Variants in LOC128462377 observed in about 807,000 individuals in gnomAD.
At chr16:89,377,495 C>T in the LOC128462377 span, among the ~76,000 whole-genome samples, 5 of 131,334 alleles carry the variant, frequency 3.8e-5, no homozygotes, top group South Asian at 2.6e-4. Context: ...GGCTGGGGGG[C>T]GGGGAGGGAT....
the LOC128462377 span, chr16:89,324,500 G>A: frequency 4.2e-3 from 1,902 of 456,382 alleles, 25 homozygotes; most frequent in African/African-American, 0.035. Flanking sequence ...GTTCCTGGGA[G>A]CATCTTGAGG....
the LOC128462377 span, among the ~76,000 whole-genome samples, chr16:89,385,048 G>A: frequency 2.6e-5 from 4 of 151,632 alleles, no homozygotes; most frequent in Non-Finnish European, 5.9e-5. Flanking sequence ...ACCATGCCAG[G>A]CTAATTTTTG....
chr16:89,363,035 C>G, the LOC128462377 span, among the ~76,000 whole-genome samples: 25 of 151,874 alleles, frequency 1.6e-4, no homozygotes, highest in Admixed American at 1.5e-3. Context: ...GGCAAAACTG[C>G]TGGCGAGTGT....
chr16:89,337,346 C>T, the LOC128462377 span, among the ~76,000 whole-genome samples: 2 of 148,878 alleles, frequency 1.3e-5, no homozygotes, highest in Non-Finnish European at 3.0e-5. Flanking sequence ...AGCACTGGGT[C>T]TCATTGGATT....
chr16:89,327,703 A>T, the LOC128462377 span, among the ~76,000 whole-genome samples: 1 of 17,532 alleles, frequency 5.7e-5, no homozygotes, highest in Non-Finnish European at 1.0e-4. Context: ...AAAAACATGA[A>T]ATAAAGACAG....
the LOC128462377 span, chr16:89,322,982 T>G: frequency 3.9e-5 from 11 of 280,738 alleles, no homozygotes; most frequent in Admixed American, 5.3e-4. Flanking sequence ...TAGCTGGGAG[T>G]ACAGGCCCGT....
At chr16:89,384,488 G>A in the LOC128462377 span, among the ~76,000 whole-genome samples, 1 of 151,868 alleles carries the variant, frequency 6.6e-6, no homozygotes. Context: ...GGAATGGGAC[G>A]AGATGGAAAT....
the LOC128462377 span, among the ~76,000 whole-genome samples, chr16:89,399,517 AG>A: frequency 6.6e-6 from 1 of 152,126 alleles, no homozygotes; most frequent in Non-Finnish European, 1.5e-5. Context: ...GGAGGGACGG[AG>A]GGATGTGCAG....
chr16:89,381,794 G>A, the LOC128462377 span, among the ~76,000 whole-genome samples: 4 of 152,292 alleles, frequency 2.6e-5, no homozygotes, highest in South Asian at 8.3e-4. Flanking sequence ...TGTTCCCCGA[G>A]CACATTGACC....
the LOC128462377 span, among the ~76,000 whole-genome samples, chr16:89,354,520 G>C: frequency 1.3e-5 from 2 of 152,220 alleles, no homozygotes; most frequent in Non-Finnish European, 2.9e-5. Flanking sequence ...ACCTGCTCTT[G>C]ATAGGGAGGG....
At chr16:89,389,311 C>T in the LOC128462377 span, among the ~76,000 whole-genome samples, 1 of 152,012 alleles carries the variant, frequency 6.6e-6, no homozygotes, top group East Asian at 1.9e-4. Flanking sequence ...AGGCGTGAGC[C>T]ACCACACCCG....
chr16:89,368,608 T>TAA, the LOC128462377 span, among the ~76,000 whole-genome samples: 478 of 131,656 alleles, frequency 3.6e-3, 2 homozygotes, highest in Admixed American at 0.012. Context: ...ACGCAGCTCT[T>TAA]AAAAAAAAAA....
chr16:89,359,353 T>C, the LOC128462377 span, among the ~76,000 whole-genome samples: 1 of 152,130 alleles, frequency 6.6e-6, no homozygotes, highest in African/African-American at 2.4e-5. Context: ...GTACAGCCCT[T>C]TAAAAAGCAG....
At chr16:89,353,733 G>T in the LOC128462377 span, among the ~76,000 whole-genome samples, 1 of 152,168 alleles carries the variant, frequency 6.6e-6, no homozygotes, top group Non-Finnish European at 1.5e-5. Context: ...GCCTGCCTGG[G>T]CCTCCCAAAG....
the LOC128462377 span, among the ~76,000 whole-genome samples, chr16:89,347,568 G>A: frequency 2.8e-5 from 4 of 144,954 alleles, no homozygotes; most frequent in South Asian, 4.3e-4. Flanking sequence ...CCAAGATCAC[G>A]CCACTGCATT....
the LOC128462377 span, among the ~76,000 whole-genome samples, chr16:89,385,857 G>A: frequency 2.6e-5 from 4 of 152,242 alleles, no homozygotes; most frequent in Non-Finnish European, 4.4e-5. Context: ...CCAGCGGCTC[G>A]CCAAGAGCTC....
At chr16:89,340,135 A>G in the LOC128462377 span, among the ~76,000 whole-genome samples, 47 of 152,360 alleles carry the variant, frequency 3.1e-4, no homozygotes, top group Admixed American at 3.0e-3. Context: ...TTACATATCT[A>G]AAGTTTATAA....
the LOC128462377 span, among the ~76,000 whole-genome samples, chr16:89,335,545 C>T: frequency 1.3e-5 from 2 of 152,228 alleles, no homozygotes; most frequent in East Asian, 1.9e-4. Flanking sequence ...AAAGCCTGTG[C>T]GTGCTGCCTC....
chr16:89,319,798 C>T, the LOC128462377 span, among the ~76,000 whole-genome samples: 1 of 152,268 alleles, frequency 6.6e-6, no homozygotes, highest in African/African-American at 2.4e-5. Context: ...ACGCGGCCCA[C>T]TCTAGAGTCT....
Sources: gnomAD v4.1 joint callset for allele counts (sites outside exome capture counted in the v4.1 genomes callset) on GRCh38, gnomAD v4.1.1 for gene constraint, MANE v1.5 for transcripts.